The following KANK3 variants were observed in gnomAD, a reference collection of about 807,000 sequenced individuals.
KANK3 encodes the protein KN motif and ankyrin repeat domains 3, also known as KN motif and ankyrin repeat domain-containing protein 3.
In KANK3, 61 loss-of-function variants were observed where a neutral mutation model predicts 65.4. That is an observed-to-expected ratio of 0.93 (90% CI 0.76 to 1.15). The LOEUF is 1.15. Ranked by LOEUF, KANK3 falls within the 50% of genes most tolerant of loss-of-function variation. KANK3 has a pLI of 0.00. For missense variants in KANK3, 1,187 were observed against 1,178.8 expected, an observed-to-expected ratio of 1.01 and a Z score of -0.10; for synonymous variants, 586 against 543.3, an observed-to-expected ratio of 1.08 and a Z score of -1.09.
In KANK3 at chr19:8,335,455, G is replaced by C. The variant is rs1464116534; in HGVS notation, c.372C>G (p.Pro124=). 1 of 1,227,146 alleles carries C rather than the reference G, an allele frequency of 8.1e-7. No homozygotes were observed. The highest frequency in any genetic ancestry group is 1.6e-5 in the African/African-American group (1 of 63,556). The allele number at this position is 1,227,146 out of a possible 1,614,324, so 76.0% of individuals were successfully genotyped here. A position where few individuals can be genotyped will look rare whatever the true frequency, so the allele number is the denominator to read the frequency against. Residue 124 remains proline (P), a synonymous_variant, in exon 3 of 11, where the codon CCC becomes CCG. Coordinates refer to ENST00000330915, the MANE Select transcript of KANK3 (RefSeq NM_198471.3). ...TGTGCTCGACGCGCGGGTTGCGCAC[G>C]GGCGCGCGCGGCGACAGCGGCTGCA... ...LLMQPLSPRA[P]VRNPRVEHTL...
In KANK3 at chr19:8,324,636, C is replaced by T. The variant is rs1019757; in HGVS notation, c.2277G>A (p.Leu759=). ...LTQPGCDPAI[L]DNEGTSALAI... ...CCCCATTGTGGGGTCTTACATTGTC[C>T]AGGATGGCAGGGTCACAGCCTGGCT... is the stretch of plus-strand genomic sequence containing the variant. Residue 759 remains leucine, a synonymous_variant, in exon 9 of 11, where the codon CTG becomes CTA. Coordinates refer to ENST00000330915, the MANE Select transcript of KANK3 (RefSeq NM_198471.3). 0.19 allele frequency: 312,568 copies of T among 1,613,850 alleles called. 32,715 individuals carry two copies. The highest frequency in any genetic ancestry group is 0.22 in the Non-Finnish European group (257,846 of 1,179,910).
rs1394583019 is a variant in KANK3 at position 8,335,644 on chromosome 19, G to A, written c.183C>T (p.Ala61=). ...AGGTCGGGGGTCCCGGGGCGCGGCGGGCAGCGGGGCCACGCTCCAGCTCCT... is the reference window on the plus strand; with the variant it reads ...AGGTCGGGGGTCCCGGGGCGCGGCGAGCAGCGGGGCCACGCTCCAGCTCCT... The part of the protein sequence containing the change: ...YIEELERGPA[A]RRAPGPPTSR... The change falls in exon 3 of 11, where the codon GCC becomes GCT. Residue 61 remains alanine (A), a synonymous_variant. Coordinates refer to ENST00000330915, the MANE Select transcript of KANK3 (RefSeq NM_198471.3). The A allele has an allele frequency of 8.0e-7, 1 of 1,246,842 alleles. No homozygotes were observed. The highest frequency in any genetic ancestry group is 1.0e-6 in the Non-Finnish European group (1 of 992,916). The allele number at this position is 1,246,842 out of a possible 1,614,324, so 77.2% of individuals were successfully genotyped here.
chr19:8,333,930 A>T lies in KANK3; in HGVS notation c.1614T>A (p.Pro538=). The T allele has an allele frequency of 1.3e-6, 2 of 1,577,990 alleles. No individual in the cohort carries two copies. Among genetic ancestry groups the T allele is most frequent in the Non-Finnish European group, 8.6e-7 (1 of 1,164,834 alleles). Reference sequence around the variant, plus strand: ...CTCACCTCCCCTGTGCCACCTGCTGAGGCTCTGCCTCCGCCTCGGGCTCAG... The same window carrying T: ...CTCACCTCCCCTGTGCCACCTGCTGTGGCTCTGCCTCCGCCTCGGGCTCAG... The part of the protein sequence containing the change: ...RDPEPEAEAE[P]QQVAQGRCEL... The change falls in exon 5 of 11, where the codon CCT becomes CCA. Residue 538 remains proline (P), a synonymous_variant. Coordinates refer to ENST00000330915, the MANE Select transcript of KANK3 (RefSeq NM_198471.3). This position sits in a 1 kb window ranked among gnomAD's most constrained non-coding sequence, Gnocchi z 5.0.
chr19:8,323,797 G>A (rs1413391941), intron 10 of KANK3, among the ~76,000 whole-genome samples: 1 of 152,160 alleles, frequency 6.6e-6, no homozygotes, highest in Non-Finnish European at 1.5e-5. Flanking sequence ...CAGGATGAGT[G>A]GGCTGATTAG....
At chr19:8,339,871 G>A (rs867085167) in intron 1 of KANK3, among the ~76,000 whole-genome samples, 2 of 151,468 alleles carry the variant, frequency 1.3e-5, no homozygotes, top group South Asian at 4.2e-4. Flanking sequence ...AGCTGAGGCA[G>A]GAGTATCTCT....
At chr19:8,332,821 TAAAA>T (rs2145426817) in intron 7 of KANK3, 189 bp downstream of exon 7, 1 of 38,716 alleles carries the variant, frequency 2.6e-5, no homozygotes, top group East Asian at 2.7e-4. Context: ...GTCTCAAAAA[TAAAA>T]TAAAATAAAA....
Position 8,335,193 on chromosome 19 carries a change from C to T in KANK3, c.634G>A (p.Glu212Lys), listed in dbSNP as rs1173276340. 1 of 1,216,768 alleles carries T rather than the reference C, an allele frequency of 8.2e-7. No homozygotes were observed. Among genetic ancestry groups the T allele is most frequent in the Non-Finnish European group, 1.0e-6 (1 of 978,892 alleles). The allele number at this position is 1,216,768 out of a possible 1,614,324, so 75.4% of individuals were successfully genotyped here. ...DQARTLPELQ[E>K]QVRALRAEKA... The stretch of plus-strand genomic sequence containing the variant: ...TCGGCGCGCAGCGCGCGCACCTGCT[C>T]CTGCAGCTCGGGCAGCGTTCGCGCC... Residue 212 changes from glutamate to lysine, a missense_variant, in exon 3 of 11, where the codon GAG becomes AAG. Transcript: ENST00000330915.
At chr19:8,326,801 A>G (rs1240559129) in intron 7 of KANK3, among the ~76,000 whole-genome samples, 1 of 84,682 alleles carries the variant, frequency 1.2e-5, no homozygotes, top group Non-Finnish European at 2.5e-5. Context: ...CATCTCTCAG[A>G]AAAAAAAAAA....
chr19:8,322,924 T>C lies in KANK3; in HGVS notation c.2383-2A>G. On this transcript the variant is annotated splice_acceptor_variant, in intron 10 of 10. Transcript: ENST00000330915. LOFTEE classifies it high-confidence loss of function. ...CTGGGAGCCAGGGGGTGACTCGCTC[T>C]GGAGAGAGGGGAAAAGAGGGGGGCC... is the stretch of plus-strand genomic sequence containing the variant. The C allele has an allele frequency of 6.7e-7, 1 of 1,498,120 alleles. No individual in the cohort carries two copies. The highest frequency in any genetic ancestry group is 8.9e-7 in the Non-Finnish European group (1 of 1,120,098). 92.8% of individuals were successfully genotyped at this position (1,498,120 alleles called of 1,614,324 possible).
chr19:8,333,045 G>A lies in KANK3; in HGVS notation c.1905C>T (p.Asn635=). 6.6e-7 allele frequency: 1 copy of A among 1,512,698 alleles called. No individual in the cohort carries two copies. Among genetic ancestry groups the A allele is most frequent in the Non-Finnish European group, 9.0e-7 (1 of 1,115,740 alleles). 93.7% of individuals were successfully genotyped at this position (1,512,698 alleles called of 1,614,324 possible). Residue 635 remains asparagine (N), a synonymous_variant, in exon 7 of 11, where the codon AAC becomes AAT. Transcript: ENST00000330915. This position sits in a 1 kb window ranked among gnomAD's most constrained non-coding sequence, Gnocchi z 5.0. ...TALHYSVSHG[N]LAIASLLLDT... ...CCAGGAGCAGGCTTGCGATGGCCAG[G>A]TTCCCGTGGGACACACTGTAGTGCA...
chr19:8,327,984 A>G (rs548480451), intron 7 of KANK3, among the ~76,000 whole-genome samples: 3 of 152,224 alleles, frequency 2.0e-5, no homozygotes, highest in African/African-American at 7.2e-5. Flanking sequence ...TTGCTTAACT[A>G]AAGAATCACC....
intron 1 of KANK3, among the ~76,000 whole-genome samples, chr19:8,342,353 C>T (rs1332682623): frequency 1.3e-5 from 2 of 152,172 alleles, no homozygotes; most frequent in African/African-American, 2.4e-5. Flanking sequence ...CGGAGGTGCC[C>T]ACCACCTCTG....
chr19:8,336,267 A>C (rs2913957), intron 2 of KANK3, among the ~76,000 whole-genome samples: 96,331 of 151,774 alleles, frequency 0.63, 30,954 homozygotes, highest in African/African-American at 0.73. Context: ...GAAACCCAGT[A>C]TCTGCTAAAA....
rs1448196423 is a variant in KANK3 at position 8,335,316 on chromosome 19, G to C, written c.511C>G (p.Pro171Ala). The change falls in exon 3 of 11, where the codon CCT becomes GCT. Residue 171 changes from proline (P) to alanine (A), a missense_variant. Pro to Ala is a conservative substitution (Grantham distance 27, BLOSUM62 -1). Transcript: ENST00000330915. ...CCGGGCGAAGCAGGGGCAAGGTTAG[G>C]GGCGGGGCTGCTGCGGCCGGACCCG... ...PRGSGRSSPA[P>A]NLAPASPGPA... is the part of the protein sequence containing the mutation. 1 of 1,197,206 alleles carries C rather than the reference G, an allele frequency of 8.4e-7. No individual in the cohort carries two copies. The highest frequency in any genetic ancestry group is 1.0e-6 in the Non-Finnish European group (1 of 965,798). The allele number at this position is 1,197,206 out of a possible 1,614,324, so 74.2% of individuals were successfully genotyped here. A position where few individuals can be genotyped will look rare whatever the true frequency, so the allele number is the denominator to read the frequency against.
rs969832940 is a variant in KANK3, at chr19:8,325,126, G to C, written c.1937-30C>G. On this transcript the variant is annotated intron_variant, in intron 7 of 10. Transcript: ENST00000330915. ...GAGAGAAAAGGGGGCCGTCCACGGA[G>C]ATGCCAACACCGCGGCCCGACTTGA... is the stretch of plus-strand genomic sequence containing the variant. 5 of 1,595,476 alleles carry C rather than the reference G, an allele frequency of 3.1e-6. No homozygotes were observed. In the Admixed American group the frequency reaches 8.6e-5, roughly 28 times the overall value.
At chr19:8,342,615 C>T (rs1433155071) in intron 1 of KANK3, among the ~76,000 whole-genome samples, 1 of 152,000 alleles carries the variant, frequency 6.6e-6, no homozygotes, top group Non-Finnish European at 1.5e-5. Context: ...GGAGAGGGCG[C>T]CTTCCAGGAG....
chr19:8,333,283 T>C lies in KANK3; in HGVS notation c.1720-53A>G. 1.4e-6 allele frequency: 2 copies of C among 1,455,502 alleles called. No individual in the cohort carries two copies. Among genetic ancestry groups the C allele is most frequent in the South Asian group, 2.4e-5 (2 of 82,126 alleles). 90.2% of individuals were successfully genotyped at this position (1,455,502 alleles called of 1,614,324 possible). A position where few individuals can be genotyped will look rare whatever the true frequency, so the allele number is the denominator to read the frequency against. ...TCGGCGATGGTCCACGGCGGCGCCG[T>C]GGTGGGGGAGCTGGGGAGGGGCGGG... On this transcript the variant is annotated intron_variant, in intron 6 of 10. Transcript: ENST00000330915. The surrounding 1 kb of genome is among the most constrained non-coding windows in gnomAD (Gnocchi z 5.0).
chr19:8,340,275 C>CATATATATATATATATATATATAT (rs1555684729), intron 1 of KANK3, among the ~76,000 whole-genome samples: 22 of 66,056 alleles, frequency 3.3e-4, no homozygotes, highest in African/African-American at 1.3e-3. Context: ...AAAAAAAAAC[C>CATATATATATATATATATATATAT]ATATATATAT....
At position 8,334,727 on chromosome 19, in the gene KANK3, C is replaced by T. The variant is rs975391738; in HGVS notation, c.1100G>A (p.Gly367Glu). ...LLRASLEHQR[G>E]VSELLRGRLR... ...CCGGCCCCGCAGAAGCTCACTCACC[C>T]CGCGCTGGTGCTCCAGACTGGCGCG... Residue 367 changes from glycine (G) to glutamate (E), a missense_variant, in exon 3 of 11, where the codon GGG becomes GAG. Coordinates refer to ENST00000330915, the MANE Select transcript of KANK3 (RefSeq NM_198471.3). 7.8e-6 allele frequency: 12 copies of T among 1,530,234 alleles called. No individual in the cohort carries two copies. The Admixed American group carries it at 2.2e-4, about 28-fold the overall frequency. 94.8% of individuals were successfully genotyped at this position (1,530,234 alleles called of 1,614,324 possible).
Sources: gnomAD v4.1 joint callset for allele counts (sites outside exome capture counted in the v4.1 genomes callset) on GRCh38, gnomAD v4.1.1 for gene constraint, Gnocchi (gnomAD v3.1) non-coding constraint, MANE v1.5 for transcripts, NCBI Gene and HGNC (gene_info 2026-07-23, HGNC 2026-07-21) for gene names.